The following TXK variants were observed in gnomAD, a reference collection of about 807,000 sequenced individuals.
TXK encodes the protein TXK tyrosine kinase.
A neutral mutation model predicts 81.0 loss-of-function variants in TXK; 60 were observed. The observed-to-expected ratio is 0.74, with a 90% CI of 0.60 to 0.92. The LOEUF is 0.92. Ranked by LOEUF, TXK falls within the 40% of genes least tolerant of loss-of-function variation. TXK has a pLI of 0.00. For missense variants in TXK, 581 were observed against 638.3 expected, an observed-to-expected ratio of 0.91 and a Z score of 0.97; for synonymous variants, 203 against 210.7, an observed-to-expected ratio of 0.96 and a Z score of 0.32.
At chr4:48,086,362 CAA>C in intron 10 of TXK, 102 bp downstream of exon 10, 1 of 1,215,180 alleles carries the variant, frequency 8.2e-7, no homozygotes, top group Non-Finnish European at 1.2e-6. Flanking sequence ...TGAGCTTGAG[CAA>C]AGTTGTGACA....
At chr4:48,090,550 G>A (rs1207092341) in intron 8 of TXK, among the ~76,000 whole-genome samples, 3 of 151,984 alleles carry the variant, frequency 2.0e-5, no homozygotes, top group East Asian at 1.9e-4. Flanking sequence ...TATACCTTAC[G>A]TTTCAACTTA....
intron 10 of TXK, 183 bp from the exon 11 acceptor site, chr4:48,080,311 C>G (rs1431200579): frequency 1.7e-6 from 1 of 601,266 alleles, no homozygotes; most frequent in African/African-American, 1.9e-5. Flanking sequence ...AATGTGGGGT[C>G]AAGAGTTTAA....
At chr4:48,109,206 T>A (rs1046428688) in intron 5 of TXK, 3 of 151,818 alleles carry the variant, frequency 2.0e-5, no homozygotes, top group Admixed American at 2.0e-4. Flanking sequence ...TGTCCTTTTT[T>A]TATAGAGATA....
intron 6 of TXK, 67 bp from the exon 7 acceptor site, chr4:48,095,289 A>G: frequency 8.0e-7 from 1 of 1,245,564 alleles, no homozygotes; most frequent in South Asian, 1.3e-5. Flanking sequence ...CAACTCAGGG[A>G]TGAAAATCAA....
At chr4:48,133,214 C>G in intron 1 of TXK, among the ~76,000 whole-genome samples, 1 of 103,926 alleles carries the variant, frequency 9.6e-6, no homozygotes, top group East Asian at 3.3e-4. Context: ...ATTTAGAAGA[C>G]TATTCTGCTT....
rs57130777 is a variant in TXK, at chr4:48,105,070, G to C, written c.447-115C>G. On this transcript the variant is annotated intron_variant, in intron 5 of 14. Coordinates refer to ENST00000264316, the MANE Select transcript of TXK (RefSeq NM_003328.3). ...TTCAGAACTGAGCTTAGAAAGTTGA[G>C]TGTTTTTTTAAATTCAGATAAACAA... The C allele has an allele frequency of 2.1e-3, 1,364 of 656,354 alleles. 16 individuals are homozygous for C. In the African/African-American group the frequency reaches 0.021, roughly 10 times the overall value. The allele number at this position is 656,354 out of a possible 1,614,324, so 40.7% of individuals were successfully genotyped here. A position where few individuals can be genotyped will look rare whatever the true frequency, so the allele number is the denominator to read the frequency against.
intron 10 of TXK, among the ~76,000 whole-genome samples, chr4:48,084,325 C>T (rs1717424376): frequency 6.6e-6 from 1 of 151,910 alleles, no homozygotes; most frequent in Non-Finnish European, 1.5e-5. Flanking sequence ...AACTCCTAGG[C>T]TCAAGTGATC....
chr4:48,089,332 G>C (rs573125433), intron 9 of TXK: 2 of 154,700 alleles, frequency 1.3e-5, no homozygotes, highest in East Asian at 3.7e-4. Flanking sequence ...AATGTTTCTA[G>C]ATAGACATTT....
At position 48,067,560 on chromosome 4, in the gene TXK, G is replaced by T. The variant is rs1405770700; in HGVS notation, c.*77C>A. 2.6e-5 allele frequency: 36 copies of T among 1,400,216 alleles called. No homozygotes were observed. The highest frequency in any genetic ancestry group is 3.4e-5 in the Non-Finnish European group (34 of 986,324). 86.7% of individuals were successfully genotyped at this position (1,400,216 alleles called of 1,614,324 possible). ...CTGAAGAAAGATATTCACCATAAGT[G>T]ACCCCATATGGTGAAGATATTCACA... On this transcript the variant is annotated 3_prime_UTR_variant, in exon 15 of 15. Transcript: ENST00000264316.
intron 11 of TXK, among the ~76,000 whole-genome samples, chr4:48,078,631 T>C (rs1487040136): frequency 2.0e-5 from 3 of 152,224 alleles, no homozygotes; most frequent in Admixed American, 6.5e-5. Flanking sequence ...TCTTAGCATA[T>C]GGTTTGGGGC....
chr4:48,128,279 T>TGA (rs1719147087), intron 1 of TXK, among the ~76,000 whole-genome samples: 1 of 152,192 alleles, frequency 6.6e-6, no homozygotes, highest in Non-Finnish European at 1.5e-5. Flanking sequence ...GGCTCAGTTT[T>TGA]GAGAGCTGCC....
At chr4:48,074,156 T>C (rs1716973084) in intron 12 of TXK, 103 bp from the exon 13 acceptor site, 1 of 875,300 alleles carries the variant, frequency 1.1e-6, no homozygotes, top group East Asian at 2.5e-5. Context: ...CAAAGTATTT[T>C]ACCCCAGAAA....
At chr4:48,084,086 AG>A (rs994667398) in intron 10 of TXK, among the ~76,000 whole-genome samples, 10 of 152,092 alleles carry the variant, frequency 6.6e-5, no homozygotes, top group Admixed American at 5.9e-4. Flanking sequence ...TTTAGAAATC[AG>A]GGATTTGTGT....
At chr4:48,068,111 G>A (rs1301730986) in intron 14 of TXK, among the ~76,000 whole-genome samples, 1 of 152,174 alleles carries the variant, frequency 6.6e-6, no homozygotes, top group East Asian at 1.9e-4. Context: ...AATTCCTTAA[G>A]ATTATATAAA....
Position 48,076,444 on chromosome 4 carries a change from C to T in TXK, c.1196G>A (p.Ser399Asn). ...RDLAARNCLV[S>N]STCIVKISDF... ...TGAAATTTTTACTATGCATGTTGAA[C>T]TGACCAAACAATTCCTTGCCGCCTA... Residue 399 changes from serine to asparagine, a missense_variant, in exon 12 of 15, where the codon AGT (serine) becomes AAT (asparagine). Transcript: ENST00000264316. 1 of 1,613,086 alleles carries T rather than the reference C, an allele frequency of 6.2e-7. No individual in the cohort carries two copies. The highest frequency in any genetic ancestry group is 8.5e-7 in the Non-Finnish European group (1 of 1,179,626).
In TXK at chr4:48,089,802, A is replaced by C; in HGVS notation, c.732T>G (p.Tyr244Ter). The C allele has an allele frequency of 6.2e-7, 1 of 1,613,604 alleles. No homozygotes were observed. ...AACAACTGCCCATCAGCCCAACTGG[A>C]TATCGGAGACGAGTCATGAGACCTA... ...NAAGLMTRLR[Y>*]PVGLMGSCLP... Residue 244 changes from tyrosine (Y) to a stop codon, truncating the protein, a stop_gained, in exon 9 of 15, where the codon TAT becomes TAG. Transcript: ENST00000264316. LOFTEE classifies it high-confidence loss of function.
At chr4:48,089,240 C>T (rs1428586845) in intron 9 of TXK, 1 of 152,136 alleles carries the variant, frequency 6.6e-6, no homozygotes, top group Non-Finnish European at 1.5e-5. Context: ...CAAACGGAAG[C>T]ATTTCTCCCC....
chr4:48,073,554 T>C (rs1384530463), intron 13 of TXK, among the ~76,000 whole-genome samples: 4 of 152,290 alleles, frequency 2.6e-5, no homozygotes, highest in South Asian at 4.1e-4. Context: ...AACTGGAAAA[T>C]AGTCAACCTG....
chr4:48,104,412 TTATATATAA>T (rs1560354883), intron 6 of TXK, among the ~76,000 whole-genome samples: 1 of 636 alleles, frequency 1.6e-3, no homozygotes, highest in Non-Finnish European at 2.1e-3. Flanking sequence ...ATATATAATA[TTATATATAA>T]TATATATAAT....
Sources: allele counts gnomAD v4.1 joint callset (sites outside exome capture counted in the v4.1 genomes callset), GRCh38; gene constraint gnomAD v4.1.1; transcripts MANE v1.5; gene names NCBI Gene and HGNC (gene_info 2026-07-23, HGNC 2026-07-21).